Variants in ERG observed in about 807,000 individuals in gnomAD.
The protein encoded by ERG is transcriptional regulator ERG.
In ERG, 9 loss-of-function variants were observed where a neutral mutation model predicts 55.3. The observed-to-expected ratio is 0.16, with a 90% CI of 0.10 to 0.28. ERG has a LOEUF of 0.28. Ranked by LOEUF, ERG falls within the 10% of genes least tolerant of loss-of-function variation. ERG has a pLI of 1.00. For synonymous variants in ERG, 223 were observed against 237.3 expected, an observed-to-expected ratio of 0.94 and a Z score of 0.55; for missense variants, 434 against 631.6, an observed-to-expected ratio of 0.69 and a Z score of 3.35.
intron 1 of ERG, among the ~76,000 whole-genome samples, chr21:38,455,021 G>A (rs1185153913): frequency 6.6e-6 from 1 of 152,062 alleles, no homozygotes; most frequent in Non-Finnish European, 1.5e-5. Flanking sequence ...ACTCCCCAGC[G>A]TGCTGTTGGT....
rs553764864 is a variant in ERG, at chr21:38,493,238, C to T, written c.18+5125G>A. ...ATGAGTGAAACATCGCAAGCAGCAT[C>T]ACTTTATACACTAGGATATTGGTTA... On this transcript the variant is annotated intron_variant, in intron 1 of 9. Coordinates refer to ENST00000288319, the MANE Select transcript of ERG (RefSeq NM_182918.4). Among the ~76,000 whole-genome samples the T allele has an allele frequency of 2.6e-5, 4 of 152,304 alleles. No individual in the cohort carries two copies. In the South Asian group the frequency reaches 8.3e-4, roughly 32 times the overall value.
At chr21:38,499,223 G>T (rs907465712), upstream of ERG, among the ~76,000 whole-genome samples, 1 of 152,102 alleles carries the variant, frequency 6.6e-6, no homozygotes, top group African/African-American at 2.4e-5. Context: ...TCAGTGAGCT[G>T]GTCTCACTCT....
At chr21:38,486,222 C>T (rs1222138880) in intron 1 of ERG, among the ~76,000 whole-genome samples, 11 of 152,156 alleles carry the variant, frequency 7.2e-5, no homozygotes, top group Admixed American at 3.9e-4. Context: ...TGTGAGCCAC[C>T]GCACCTGGCC....
intron 2 of ERG, among the ~76,000 whole-genome samples, chr21:38,573,511 A>G (rs945991008): frequency 6.6e-6 from 1 of 152,014 alleles, no homozygotes; most frequent in African/African-American, 2.4e-5. Context: ...GTTATTCTTT[A>G]CTCCGCTGAG....
intron 1 of ERG, among the ~76,000 whole-genome samples, chr21:38,658,174 G>A (rs549494073): frequency 5.3e-5 from 8 of 152,294 alleles, no homozygotes; most frequent in African/African-American, 9.6e-5. Context: ...CTGCTCAGAC[G>A]CAAGGGGTAA....
intron 1 of ERG, chr21:38,449,203 T>C (rs995453337): frequency 3.9e-4 from 60 of 152,256 alleles, no homozygotes; most frequent in African/African-American, 1.4e-3. Flanking sequence ...TGCCTGCTTC[T>C]ATGTTACTAT....
chr21:38,512,573 A>G (rs1266802973), intron 2 of ERG, among the ~76,000 whole-genome samples: 2 of 152,226 alleles, frequency 1.3e-5, no homozygotes, highest in African/African-American at 2.4e-5. Flanking sequence ...ATATTAATGT[A>G]CTGCATAGAA....
At chr21:38,477,436 A>G (rs1248048315) in intron 1 of ERG, among the ~76,000 whole-genome samples, 2 of 152,010 alleles carry the variant, frequency 1.3e-5, no homozygotes, top group Non-Finnish European at 2.9e-5. Context: ...ATCTCCGAGA[A>G]GTTATTGGTT....
At chr21:38,560,319 A>G (rs2059885262) in intron 2 of ERG, among the ~76,000 whole-genome samples, 1 of 152,254 alleles carries the variant, frequency 6.6e-6, no homozygotes, top group South Asian at 2.1e-4. Context: ...TCTCCCTTCA[A>G]GAAAGAATCT....
chr21:38,470,695 A>C (rs1234294844), intron 1 of ERG: 1 of 152,230 alleles, frequency 6.6e-6, no homozygotes, highest in Non-Finnish European at 1.5e-5. Flanking sequence ...CCAGGAACCA[A>C]ATAAAATTGA....
rs1987358312 is a variant in ERG, at chr21:38,380,131, A to T, written c.*3272T>A. The stretch of plus-strand genomic sequence containing the variant: ...GAGAAGCTAAATAAACTAGCTTTTT[A>T]AAAAATATTTTCTTCTCTTTCTCCA... On this transcript the variant is annotated 3_prime_UTR_variant, in exon 10 of 10. Coordinates refer to ENST00000288319, the MANE Select transcript of ERG (RefSeq NM_182918.4). 3 of 1,033,570 alleles carry T rather than the reference A, an allele frequency of 2.9e-6. No individual in the cohort carries two copies. The highest frequency in any genetic ancestry group is 3.5e-6 in the Non-Finnish European group (3 of 859,260). The allele number at this position is 1,033,570 out of a possible 1,614,324, so 64.0% of individuals were successfully genotyped here.
rs376637399 is a variant in ERG, at chr21:38,644,978, G to A, written c.-150+16680C>T. On this transcript the variant is annotated intron_variant, in intron 1 of 10. Coordinates refer to the ERG transcript ENST00000398910. The stretch of plus-strand genomic sequence containing the variant: ...TAGAGAGCAGCCTGGGCAACACAGC[G>A]AGACCCCATCTCTACAAAAATATTT... Among the ~76,000 whole-genome samples the A allele has an allele frequency of 1.8e-4, 28 of 152,138 alleles. 1 individual carries two copies. Among genetic ancestry groups the A allele is most frequent in the South Asian group, 6.2e-4 (3 of 4,812 alleles).
At chr21:38,414,148 T>C (rs565658752) in intron 3 of ERG, among the ~76,000 whole-genome samples, 2 of 152,320 alleles carry the variant, frequency 1.3e-5, no homozygotes, top group Admixed American at 6.5e-5. Context: ...TGTCCAGCAA[T>C]TGAATGTTCC....
At chr21:38,375,202 G>A (rs1337819493), downstream of ERG, among the ~76,000 whole-genome samples, 2 of 152,168 alleles carry the variant, frequency 1.3e-5, no homozygotes, top group East Asian at 3.9e-4. Context: ...GCAAGGGCAG[G>A]ATTTGGATCA....
intron 2 of ERG, among the ~76,000 whole-genome samples, chr21:38,438,021 A>G (rs1384081177): frequency 6.6e-6 from 1 of 151,682 alleles, no homozygotes; most frequent in African/African-American, 2.4e-5. Flanking sequence ...ATCATCTATT[A>G]CTCTTCTTCT....
intron 1 of ERG, among the ~76,000 whole-genome samples, chr21:38,493,870 A>G (rs768860490): frequency 4.6e-5 from 7 of 152,220 alleles, no homozygotes; most frequent in Non-Finnish European, 8.8e-5. Context: ...GAGGCCGCAC[A>G]TCAGAGCAGT....
In ERG at chr21:38,447,541, T is replaced by C. The variant is rs1428883810; in HGVS notation, c.19-1920A>G. Among the ~76,000 whole-genome samples the C allele has an allele frequency of 4.7e-5, 7 of 149,438 alleles. 1 individual carries two copies. Among genetic ancestry groups the C allele is most frequent in the Non-Finnish European group, 1.0e-4 (7 of 67,522 alleles). Reference sequence around the variant, plus strand: ...AGTACAGAAACGGCATCCTAGATGTTAGGGAACCTGAAATTCATGGCTTTC... The same window carrying C: ...AGTACAGAAACGGCATCCTAGATGTCAGGGAACCTGAAATTCATGGCTTTC... On this transcript the variant is annotated intron_variant, in intron 1 of 9. Coordinates refer to ENST00000288319, the MANE Select transcript of ERG (RefSeq NM_182918.4).
intron 1 of ERG, chr21:38,471,025 T>C (rs920510591): frequency 1.3e-5 from 2 of 152,198 alleles, no homozygotes; most frequent in East Asian, 3.9e-4. Context: ...CTCTGGCCTA[T>C]TATTCATTAC....
intron 2 of ERG, among the ~76,000 whole-genome samples, chr21:38,444,684 T>C (rs904872863): frequency 6.8e-6 from 1 of 148,010 alleles, no homozygotes; most frequent in African/African-American, 2.5e-5. Flanking sequence ...CTAATAATTA[T>C]GGGAGACACT....
Sources: allele counts gnomAD v4.1 joint callset (sites outside exome capture counted in the v4.1 genomes callset), GRCh38; gene constraint gnomAD v4.1.1; transcripts MANE v1.5; gene names NCBI Gene and HGNC (gene_info 2026-07-23, HGNC 2026-07-21).